ADGRE2: variants seen among roughly 807,000 people sequenced by gnomAD.
The protein encoded by ADGRE2 is adhesion G protein-coupled receptor E2.
ADGRE2 carries 83 observed loss-of-function variants against 100.8 expected under a neutral mutation model. The observed-to-expected ratio is 0.82, with a 90% CI of 0.69 to 0.99. ADGRE2 has a LOEUF of 0.99. ADGRE2 is among the 50% of genes least tolerant of loss of function. The pLI is 0.00. For missense variants in ADGRE2, 814 were observed against 1,035.7 expected, an observed-to-expected ratio of 0.79 and a Z score of 2.94; for synonymous variants, 355 against 413.0, an observed-to-expected ratio of 0.86 and a Z score of 1.70.
At chr19:14,725,339 G>T in the ADGRE2 span, among the ~76,000 whole-genome samples, 13 of 152,186 alleles carry the variant, frequency 8.5e-5, no homozygotes, top group South Asian at 2.1e-3. Context: ...CAAGAGATTT[G>T]GAGGAGACAA....
At chr19:14,758,391 C>G (rs1276317720) in intron 11 of ADGRE2, among the ~76,000 whole-genome samples, 1 of 152,110 alleles carries the variant, frequency 6.6e-6, no homozygotes, top group East Asian at 1.9e-4. Context: ...AAATGACATG[C>G]AAATGGTGAG....
downstream of ADGRE2, among the ~76,000 whole-genome samples, chr19:14,729,558 G>A (rs754941602): frequency 6.6e-6 from 1 of 151,976 alleles, no homozygotes; most frequent in Non-Finnish European, 1.5e-5. Context: ...TCTCCATTTT[G>A]CCCAGGCTGG....
At position 14,752,671 on chromosome 19, in the gene ADGRE2, T is replaced by C. The variant is rs150175411; in HGVS notation, c.1591-145A>G. 1,135 of 1,076,710 alleles carry C rather than the reference T, an allele frequency of 1.1e-3. 12 individuals are homozygous for C. In the African/African-American group the frequency reaches 0.016, roughly 15 times the overall value. 66.7% of individuals were successfully genotyped at this position (1,076,710 alleles called of 1,614,324 possible). ...TTTGTGAAGATGTCACCAATTTAAT[T>C]TAATTTGCGAAGGTGTCACCCGAGC... is the stretch of plus-strand genomic sequence containing the variant. On this transcript the variant is annotated intron_variant, in intron 14 of 20. Coordinates refer to ENST00000315576, the MANE Select transcript of ADGRE2 (RefSeq NM_013447.4).
intron 15 of ADGRE2, 92 bp downstream of exon 15, chr19:14,752,237 T>G (rs2043320930): frequency 6.6e-7 from 1 of 1,505,016 alleles, no homozygotes. Flanking sequence ...CCAGCCGGGC[T>G]ATTATATTAA....
intron 12 of ADGRE2, 133 bp downstream of exon 12, chr19:14,756,105 G>T: frequency 1.2e-6 from 1 of 800,154 alleles, no homozygotes; most frequent in Admixed American, 2.0e-5. Context: ...TCCTCAGCTG[G>T]ACTCTCCTCT....
rs2043484928 is a variant in ADGRE2 at position 14,755,855 on chromosome 19, G to A, written c.1215C>T (p.Val405=). 4.3e-6 allele frequency: 7 copies of A among 1,614,102 alleles called. No homozygotes were observed. Among genetic ancestry groups the A allele is most frequent in the Non-Finnish European group, 5.9e-6 (7 of 1,180,030 alleles). ...GCAACTTGCCCATCCCTGGAATGGAGACAAGGCCCACCACAGAAGGGCCTG... is the reference window on the plus strand; with the variant it reads ...GCAACTTGCCCATCCCTGGAATGGAAACAAGGCCCACCACAGAAGGGCCTG... The part of the protein sequence containing the change: ...GDPGPSVVGL[V]SIPGMGKLLA... The change falls in exon 13 of 21, where the codon GTC becomes GTT. Residue 405 remains valine (V), a synonymous_variant. Transcript: ENST00000315576.
chr19:14,776,993 C>CACACACAA, intron 1 of ADGRE2, 66 bp from the exon 2 acceptor site: 1 of 1,365,412 alleles, frequency 7.3e-7, no homozygotes, highest in South Asian at 1.6e-5. Context: ...CACACACACA[C>CACACACAA]ACACACACAC....
At chr19:14,748,495 G>A (rs2043160422) in intron 16 of ADGRE2, among the ~76,000 whole-genome samples, 1 of 152,108 alleles carries the variant, frequency 6.6e-6, no homozygotes, top group African/African-American at 2.4e-5. Flanking sequence ...TTTTAGTAGA[G>A]ACGGGGTTTC....
chr19:14,746,182 C>A, intron 18 of ADGRE2, 50 bp downstream of exon 18: 1 of 1,175,294 alleles, frequency 8.5e-7, no homozygotes, highest in South Asian at 1.3e-5. Context: ...TGGCTTGGCT[C>A]TTGGGAACCA....
Position 14,778,541 on chromosome 19 carries a change from C to T in ADGRE2, c.-456G>A, listed in dbSNP as rs58569978. The T allele has an allele frequency of 0.18, 121,160 of 691,556 alleles. 12,881 individuals are homozygous for T. Among genetic ancestry groups the T allele is most frequent in the African/African-American group, 0.42 (21,558 of 51,536 alleles). The allele number at this position is 691,556 out of a possible 1,614,324, so 42.8% of individuals were successfully genotyped here. On this transcript the variant is annotated 5_prime_UTR_variant, in exon 1 of 21. Coordinates refer to ENST00000315576, the MANE Select transcript of ADGRE2 (RefSeq NM_013447.4). ...GCTTCACCGCACAGAGCAGACCCCCCGGATCTTTCTGGTCTTTCTAAGCCA... is the reference window on the plus strand; with the variant it reads ...GCTTCACCGCACAGAGCAGACCCCCTGGATCTTTCTGGTCTTTCTAAGCCA...
intron 11 of ADGRE2, among the ~76,000 whole-genome samples, chr19:14,758,007 C>A (rs1199361612): frequency 2.0e-5 from 3 of 152,164 alleles, no homozygotes; most frequent in Non-Finnish European, 4.4e-5. Context: ...GACAGGGTTT[C>A]GCCTTGTTGG....
chr19:14,741,812 A>G, intron 20 of ADGRE2: 1 of 379,712 alleles, frequency 2.6e-6, no homozygotes, highest in Admixed American at 4.5e-5. Context: ...ACACAAATCC[A>G]AGTAGTCTTA....
At chr19:14,771,079 C>A (rs2044190272) in intron 5 of ADGRE2, among the ~76,000 whole-genome samples, 1 of 152,056 alleles carries the variant, frequency 6.6e-6, no homozygotes. Context: ...TGTGAACCAG[C>A]CCCCCTGCTG....
chr19:14,766,147 G>A (rs904496149), intron 7 of ADGRE2, 88 bp downstream of exon 7: 23 of 1,598,880 alleles, frequency 1.4e-5, no homozygotes, highest in Admixed American at 5.1e-5. Flanking sequence ...CGCCTCCAGC[G>A]CTCATTCTGC....
chr19:14,767,694 G>A lies in ADGRE2; in HGVS notation c.356-585C>T, dbSNP rs956152375. Among the ~76,000 whole-genome samples, 17 of 152,230 alleles carry A rather than the reference G, an allele frequency of 1.1e-4. 2 individuals are homozygous for A. Among genetic ancestry groups the A allele is most frequent in the Admixed American group, 1.1e-3 (17 of 15,280 alleles). On this transcript the variant is annotated intron_variant, in intron 5 of 20. Transcript: ENST00000315576. ...AGCTGGGGCAGGGATGTCCCAGCCT[G>A]AGGATTCAGGACAAAGGTCAGGGTG...
chr19:14,767,191 C>T (rs7256892), intron 5 of ADGRE2, 82 bp from the exon 6 acceptor site: 837,087 of 1,546,826 alleles, frequency 0.54, 232,608 homozygotes, highest in African/African-American at 0.75. Flanking sequence ...TTTCCTGGCA[C>T]GGAAGCATCT....
intron 11 of ADGRE2, 70 bp downstream of exon 11, chr19:14,764,363 G>T (rs2043868779): frequency 1.4e-6 from 2 of 1,474,962 alleles, no homozygotes; most frequent in Non-Finnish European, 1.9e-6. Flanking sequence ...ACTTGGCTCT[G>T]GTGGGACTGG....
chr19:14,746,960 C>A lies in ADGRE2; in HGVS notation c.2027G>T (p.Cys676Phe), dbSNP rs767130765. 7 of 1,609,116 alleles carry A rather than the reference C, an allele frequency of 4.4e-6. No individual in the cohort carries two copies. The highest frequency in any genetic ancestry group is 1.3e-5 in the African/African-American group (1 of 74,300). ...AAATCCCTTTTCTGGTTGGAGCCAG[C>A]AGCTGAAAAAAGAGAGATTAAAAAA... ...RPHLYGTPSR[C>F]WLQPEKGFIW... The change falls in exon 17 of 21, where the codon TGC becomes TTC. Residue 676 changes from cysteine to phenylalanine, a missense_variant and splice_region_variant. Physicochemically the swap from Cys to Phe is radical, Grantham distance 205. Around this residue, in one of 5 missense-constraint regions of ADGRE2, gnomAD observed 569 missense variants for 692.7 expected, o/e 0.82. Transcript: ENST00000315576.
At chr19:14,754,196 G>A (rs985641347) in intron 14 of ADGRE2, among the ~76,000 whole-genome samples, 4 of 152,018 alleles carry the variant, frequency 2.6e-5, no homozygotes, top group Non-Finnish European at 5.9e-5. Flanking sequence ...GACTCGGACT[G>A]GCTCTCCTTG....
Sources: allele counts gnomAD v4.1 joint callset (sites outside exome capture counted in the v4.1 genomes callset), GRCh38; gene constraint gnomAD v4.1.1; regional missense constraint gnomAD v4.1.1; transcripts MANE v1.5; gene names NCBI Gene and HGNC (gene_info 2026-07-23, HGNC 2026-07-21).